The following DISC1 variants were observed in gnomAD, a reference collection of about 807,000 sequenced individuals.
The protein encoded by DISC1 is DISC1 scaffold protein.
DISC1 carries 57 observed loss-of-function variants against 84.5 expected under a neutral mutation model. The observed-to-expected ratio is 0.67, with a 90% CI of 0.55 to 0.84. The LOEUF is 0.84. Ranked by LOEUF, DISC1 falls within the 40% of genes least tolerant of loss-of-function variation. The pLI is 0.00. For synonymous variants in DISC1, 411 were observed against 415.2 expected (o/e 0.99, Z 0.12); for missense variants, 1,000 against 1,057.8 (o/e 0.95, Z 0.76).
At chr1:231,842,137 C>T (rs529844795) in intron 9 of DISC1, among the ~76,000 whole-genome samples, 36 of 152,194 alleles carry the variant, frequency 2.4e-4, no homozygotes, top group Admixed American at 4.6e-4. Context: ...TCTGGGACTA[C>T]AGGCATGCAC....
At position 231,907,137 on chromosome 1, in the gene DISC1, C is replaced by CTT. The variant is rs1476285262; in HGVS notation, c.1982-51689_1982-51688dup. 3.2e-4 allele frequency among the ~76,000 whole-genome samples: 24 copies of CTT among 74,756 alleles called. No individual in the cohort carries two copies. The Admixed American group carries it at 3.4e-3, about 10-fold the overall frequency. 49.0% of individuals were successfully genotyped at this position (74,756 alleles called of 152,430 possible). A position where few individuals can be genotyped will look rare whatever the true frequency, so the allele number is the denominator to read the frequency against. On this transcript the variant is annotated intron_variant, in intron 9 of 12. Transcript: ENST00000439617. ...TTCCTTCCTTCCTTCCTTCCTCTTT[C>CTT]TTTCTTTCTTTCTTTCTTTCTTTCT...
At chr1:231,931,421 A>G (rs1013778936) in intron 9 of DISC1, among the ~76,000 whole-genome samples, 1 of 152,182 alleles carries the variant, frequency 6.6e-6, no homozygotes, top group Non-Finnish European at 1.5e-5. Context: ...CTTACTTATG[A>G]CATACTGACC....
At chr1:231,904,227 A>G (rs1461205715) in intron 9 of DISC1, among the ~76,000 whole-genome samples, 1 of 152,200 alleles carries the variant, frequency 6.6e-6, no homozygotes, top group African/African-American at 2.4e-5. Flanking sequence ...ATTAACAGCT[A>G]CATGTTGTTC....
intron 10 of DISC1, among the ~76,000 whole-genome samples, chr1:231,966,177 A>T (rs1661091515): frequency 6.6e-6 from 1 of 152,204 alleles, no homozygotes. Context: ...TTACATTCAG[A>T]AAGTCAAGGC....
At chr1:231,720,988 C>G in intron 3 of DISC1, 1 of 1,290,934 alleles carries the variant, frequency 7.7e-7, no homozygotes, top group Non-Finnish European at 1.0e-6. Context: ...GGGTGAACAG[C>G]AACTGTGGAT....
intron 1 of DISC1, among the ~76,000 whole-genome samples, chr1:231,692,672 T>C (rs995363314): frequency 2.0e-5 from 3 of 152,222 alleles, no homozygotes; most frequent in Admixed American, 6.5e-5. Flanking sequence ...TGCTGCCTAG[T>C]TTTACTTTCA....
At chr1:231,678,461 A>G (rs1186704698) in intron 1 of DISC1, among the ~76,000 whole-genome samples, 1 of 152,250 alleles carries the variant, frequency 6.6e-6, no homozygotes, top group Non-Finnish European at 1.5e-5. Context: ...CAAGGGCCTC[A>G]GAGCACAGGC....
intron 9 of DISC1, among the ~76,000 whole-genome samples, chr1:231,833,120 ATT>A (rs2082365154): frequency 6.6e-6 from 1 of 150,418 alleles, no homozygotes; most frequent in African/African-American, 2.5e-5. Flanking sequence ...CGGCAATGAG[ATT>A]CAGCTGTAGT....
At chr1:231,827,461 G>A (rs2081940212) in intron 9 of DISC1, among the ~76,000 whole-genome samples, 1 of 152,086 alleles carries the variant, frequency 6.6e-6, no homozygotes. Context: ...GAAATATTTT[G>A]TTTTCCTTCT....
rs141643720 is a variant in DISC1 at position 231,849,549 on chromosome 1, G to A, written c.1981+31032G>A. ...GATGATGGTGGTGTGTGTGTGTGGTGTAGTGTATGTTTGTGTTTTCATGTG... is the reference window on the plus strand; with the variant it reads ...GATGATGGTGGTGTGTGTGTGTGGTATAGTGTATGTTTGTGTTTTCATGTG... On this transcript the variant is annotated intron_variant, in intron 9 of 12. Transcript: ENST00000439617. Among the ~76,000 whole-genome samples the A allele has an allele frequency of 5.8e-4, 88 of 152,240 alleles. 1 individual carries two copies. In the East Asian group the frequency reaches 0.015, roughly 25 times the overall value.
At position 231,954,258 on chromosome 1, in the gene DISC1, C is replaced by T. The variant is rs920881118; in HGVS notation, c.1982-4570C>T. ...CAGCTATCTCTGTGTCCCTGGAAGC[C>T]GTGTCCTTTTTCTATTTAATTAGTG... On this transcript the variant is annotated intron_variant, in intron 9 of 12. Transcript: ENST00000439617. This position sits in a 1 kb window ranked among gnomAD's most constrained non-coding sequence, Gnocchi z 4.8. 1.4e-4 allele frequency among the ~76,000 whole-genome samples: 22 copies of T among 152,228 alleles called. No homozygotes were observed. Among genetic ancestry groups the T allele is most frequent in the African/African-American group, 3.9e-4 (16 of 41,532 alleles).
chr1:231,931,656 T>TTTG (rs2090664431), intron 9 of DISC1, among the ~76,000 whole-genome samples: 1 of 151,188 alleles, frequency 6.6e-6, no homozygotes, highest in Admixed American at 6.6e-5. Flanking sequence ...TTTTTTTTTT[T>TTTG]TTTTGTCTTT....
intron 10 of DISC1, among the ~76,000 whole-genome samples, chr1:231,979,220 A>G (rs905738315): frequency 6.6e-6 from 1 of 152,006 alleles, no homozygotes; most frequent in Non-Finnish European, 1.5e-5. Context: ...CTGATTCTAC[A>G]TTATGGTGAG....
chr1:231,661,826 T>C (rs1395729608), intron 1 of DISC1, among the ~76,000 whole-genome samples: 2 of 152,252 alleles, frequency 1.3e-5, no homozygotes, highest in African/African-American at 2.4e-5. Flanking sequence ...GAAGAGCCAC[T>C]CTGGCTTTTT....
intron 9 of DISC1, among the ~76,000 whole-genome samples, chr1:231,893,135 C>T (rs2087386959): frequency 1.3e-5 from 2 of 152,022 alleles, no homozygotes; most frequent in South Asian, 4.1e-4. Flanking sequence ...TGCACTCCTG[C>T]CTGGGTGACA....
At chr1:231,756,210 T>C (rs1197552066) in intron 4 of DISC1, among the ~76,000 whole-genome samples, 1 of 152,176 alleles carries the variant, frequency 6.6e-6, no homozygotes, top group Non-Finnish European at 1.5e-5. Flanking sequence ...TCTTCCAGAC[T>C]TAGTGAAACA....
chr1:231,660,571 G>A (rs1353188508), intron 1 of DISC1, among the ~76,000 whole-genome samples: 1 of 152,100 alleles, frequency 6.6e-6, no homozygotes, highest in Non-Finnish European at 1.5e-5. Flanking sequence ...CTGCCTCCCG[G>A]GTGAAGCGAT....
At chr1:231,892,407 G>A (rs1178591948) in intron 9 of DISC1, among the ~76,000 whole-genome samples, 1 of 152,120 alleles carries the variant, frequency 6.6e-6, no homozygotes, top group African/African-American at 2.4e-5. Flanking sequence ...TGCCTTCATG[G>A]CTCCCTCACT....
intron 9 of DISC1, among the ~76,000 whole-genome samples, chr1:231,877,859 AAAT>A (rs1463330307): frequency 6.6e-6 from 1 of 152,248 alleles, no homozygotes; most frequent in Non-Finnish European, 1.5e-5. Context: ...GAACAGATGA[AAAT>A]AAAAAATGAC....
Sources: allele counts gnomAD v4.1 joint callset (sites outside exome capture counted in the v4.1 genomes callset), GRCh38; gene constraint gnomAD v4.1.1; non-coding constraint Gnocchi (gnomAD v3.1); transcripts MANE v1.5; gene names NCBI Gene and HGNC (gene_info 2026-07-23, HGNC 2026-07-21).